The following OSBPL9 variants were observed in gnomAD, a reference collection of about 807,000 sequenced individuals.
OSBPL9 encodes oxysterol-binding protein-related protein 9.
Under a neutral mutation model 106.6 loss-of-function variants are expected in OSBPL9, and 40 were observed. The observed-to-expected ratio is 0.38, with a 90% CI of 0.29 to 0.49. The LOEUF (loss-of-function observed/expected upper bound fraction) is 0.49. Ranked by LOEUF, OSBPL9 falls within the 20% of genes least tolerant of loss-of-function variation. OSBPL9 has a pLI of 0.97. For missense variants in OSBPL9, 609 were observed against 887.2 expected (o/e 0.69, Z 3.98); for synonymous variants, 269 against 295.4 (o/e 0.91, Z 0.92).
intron 3 of OSBPL9, among the ~76,000 whole-genome samples, chr1:51,711,473 C>T (rs1283739990): frequency 7.5e-6 from 1 of 133,428 alleles, no homozygotes; most frequent in Admixed American, 7.2e-5. Context: ...CTGACCCCCC[C>T]ACCTCCCTCC....
intron 12 of OSBPL9, among the ~76,000 whole-genome samples, chr1:51,769,279 A>G (rs535371713): frequency 6.8e-4 from 104 of 152,314 alleles, no homozygotes; most frequent in African/African-American, 2.4e-3. Context: ...AAGTCCTTTC[A>G]CTGTTCTTTT....
At chr1:51,720,842 G>A (rs968263324) in intron 4 of OSBPL9, among the ~76,000 whole-genome samples, 1 of 137,706 alleles carries the variant, frequency 7.3e-6, no homozygotes, top group Non-Finnish European at 1.5e-5. Flanking sequence ...CTGTTTCCCA[G>A]GTTGGAGTAC....
intron 1 of OSBPL9, among the ~76,000 whole-genome samples, chr1:51,629,405 T>C (rs914434262): frequency 4.6e-5 from 7 of 152,074 alleles, no homozygotes; most frequent in African/African-American, 1.7e-4. Flanking sequence ...CGCTTAACAA[T>C]GGGGCAGGAG....
chr1:51,688,716 A>T (rs1283392648), intron 3 of OSBPL9, among the ~76,000 whole-genome samples: 6 of 152,220 alleles, frequency 3.9e-5, no homozygotes, highest in Non-Finnish European at 8.8e-5. Context: ...GTGATTTGGT[A>T]TAAATCATTG....
intron 15 of OSBPL9, among the ~76,000 whole-genome samples, chr1:51,780,059 C>A (rs1176371847): frequency 2.1e-5 from 3 of 145,524 alleles, no homozygotes; most frequent in African/African-American, 5.1e-5. Flanking sequence ...GCCTGGACAA[C>A]AGAGCGAGAC....
At chr1:51,533,030 TA>T in the OSBPL9 span, among the ~76,000 whole-genome samples, 2 of 152,130 alleles carry the variant, frequency 1.3e-5, no homozygotes, top group East Asian at 3.8e-4. Flanking sequence ...TAATTGGTAA[TA>T]ATTGGTAATT....
intron 17 of OSBPL9, among the ~76,000 whole-genome samples, chr1:51,783,515 A>C (rs1676890093): frequency 6.6e-6 from 1 of 152,118 alleles, no homozygotes; most frequent in South Asian, 2.1e-4. Context: ...CAGTTGGCTG[A>C]ATCTGTGGGT....
intron 3 of OSBPL9, among the ~76,000 whole-genome samples, chr1:51,711,326 G>A (rs77594322): frequency 3.4e-5 from 5 of 148,796 alleles, no homozygotes; most frequent in Admixed American, 2.7e-4. Flanking sequence ...GCGGCTGGCC[G>A]GGCAGGGGGC....
chr1:51,659,969 T>G (rs1647038039), intron 2 of OSBPL9, among the ~76,000 whole-genome samples: 1 of 152,100 alleles, frequency 6.6e-6, no homozygotes, highest in African/African-American at 2.4e-5. Context: ...ATGGTGGTGT[T>G]ATAAGAGACA....
chr1:51,613,529 G>T (rs1644003959), upstream of OSBPL9, among the ~76,000 whole-genome samples: 1 of 152,182 alleles, frequency 6.6e-6, no homozygotes, highest in Non-Finnish European at 1.5e-5. Context: ...GAGTTATTGT[G>T]ATGGTTAAAA....
At chr1:51,768,633 A>G (rs148907393) in intron 12 of OSBPL9, among the ~76,000 whole-genome samples, 3 of 152,270 alleles carry the variant, frequency 2.0e-5, no homozygotes, top group Non-Finnish European at 4.4e-5. Flanking sequence ...GCTTGATAAT[A>G]TGTGGTTAGC....
intron 1 of OSBPL9, among the ~76,000 whole-genome samples, chr1:51,619,318 T>C (rs749447886): frequency 2.0e-5 from 3 of 152,218 alleles, no homozygotes; most frequent in Non-Finnish European, 4.4e-5. Flanking sequence ...TGGGAATGCC[T>C]AGCCCAGAAA....
chr1:51,766,221 G>A (rs1435171476), intron 12 of OSBPL9, among the ~76,000 whole-genome samples: 1 of 152,160 alleles, frequency 6.6e-6, no homozygotes, highest in Non-Finnish European at 1.5e-5. Context: ...TTAGTCCTAA[G>A]TTAATCCAAG....
chr1:51,557,812 A>G, the OSBPL9 span, among the ~76,000 whole-genome samples: 5 of 152,182 alleles, frequency 3.3e-5, no homozygotes, highest in African/African-American at 9.6e-5. Context: ...AGGGATATCA[A>G]TGTGCTTTGT....
At chr1:51,769,422 C>G (rs1415580789) in intron 12 of OSBPL9, among the ~76,000 whole-genome samples, 1 of 152,112 alleles carries the variant, frequency 6.6e-6, no homozygotes, top group Admixed American at 6.5e-5. Context: ...TTTGAAATGG[C>G]TCCACTACTC....
At chr1:51,782,117 C>G (rs1450943302) in intron 16 of OSBPL9, among the ~76,000 whole-genome samples, 1 of 152,078 alleles carries the variant, frequency 6.6e-6, no homozygotes, top group Non-Finnish European at 1.5e-5. Context: ...AAGAAAATGA[C>G]CAGCAGGGAA....
intron 1 of OSBPL9, among the ~76,000 whole-genome samples, chr1:51,634,923 C>T (rs1645333456): frequency 6.6e-6 from 1 of 152,108 alleles, no homozygotes; most frequent in Admixed American, 6.6e-5. Flanking sequence ...TCTCATGAGA[C>T]TTTTTCACTA....
chr1:51,661,497 C>G (rs1011120017), intron 2 of OSBPL9, among the ~76,000 whole-genome samples: 1 of 152,048 alleles, frequency 6.6e-6, no homozygotes. Context: ...CTTTTTGGTG[C>G]CTTGATAGTG....
intron 2 of OSBPL9, among the ~76,000 whole-genome samples, chr1:51,599,718 A>T (rs1175667422): frequency 6.6e-6 from 1 of 152,218 alleles, no homozygotes; most frequent in Non-Finnish European, 1.5e-5. Context: ...TGCAGCATCC[A>T]CAGGGTTTTA....
Sources: gnomAD v4.1 joint callset for allele counts (sites outside exome capture counted in the v4.1 genomes callset) on GRCh38, gnomAD v4.1.1 for gene constraint, MANE v1.5 for transcripts, NCBI Gene and HGNC (gene_info 2026-07-23, HGNC 2026-07-21) for gene names.